The following TCFL5 variants were observed in gnomAD, a reference collection of about 807,000 sequenced individuals.
The protein encoded by TCFL5 is transcription factor like 5.
A neutral mutation model predicts 44.3 loss-of-function variants in TCFL5; 9 were observed. That is an observed-to-expected ratio of 0.20 (90% CI 0.12 to 0.35). The LOEUF (loss-of-function observed/expected upper bound fraction) is 0.35, where lower values mean the gene tolerates loss of function less well. TCFL5 is among the 10% of genes least tolerant of loss of function. TCFL5 has a pLI of 1.00. For synonymous variants in TCFL5, 319 were observed against 271.6 expected (o/e 1.17, Z -1.72); for missense variants, 603 against 613.4 (o/e 0.98, Z 0.18).
Position 62,861,054 on chromosome 20 carries a change from T to C in TCFL5, c.617A>G (p.Glu206Gly). 1.0e-6 allele frequency: 1 copy of C among 994,652 alleles called. No homozygotes were observed. Among genetic ancestry groups the C allele is most frequent in the South Asian group, 4.5e-5 (1 of 22,170 alleles). 61.6% of individuals were successfully genotyped at this position (994,652 alleles called of 1,614,324 possible). ...GAGCGCCCCGCCCGGCTCGGGGGGC[T>C]CGGGGCCGCGCGGCGCGGGCGGCGG... is the stretch of plus-strand genomic sequence containing the variant. ...AEPPPAPRGP[E>G]PPEPGGALNN... The change falls in exon 1 of 6, where the codon GAG becomes GGG. Residue 206 changes from glutamate to glycine, a missense_variant. Coordinates refer to ENST00000335351, the MANE Select transcript of TCFL5 (RefSeq NM_006602.4). The surrounding 1 kb of genome is among the most constrained non-coding windows in gnomAD (Gnocchi z 4.0).
intron 3 of TCFL5, among the ~76,000 whole-genome samples, chr20:62,858,273 A>G (rs1319141711): frequency 1.3e-5 from 2 of 152,232 alleles, no homozygotes; most frequent in African/African-American, 4.8e-5. Flanking sequence ...TCAAAGGACC[A>G]CAGGCACGTG....
In TCFL5 at chr20:62,860,296, G is replaced by C; in HGVS notation, c.660C>G (p.Leu220=). ...TCATTAGTTCAGATGGATGTCGAAT[G>C]AGAGTTACCAAACTGCCAAGACAAA... ...PGGALNNLVT[L]IRHPSELMNV... is the part of the protein sequence containing the mutation. Residue 220 remains leucine (L), a synonymous_variant, in exon 2 of 6, where the codon CTC becomes CTG. Transcript: ENST00000335351. The C allele has an allele frequency of 6.2e-7, 1 of 1,606,472 alleles. No homozygotes were observed. Among genetic ancestry groups the C allele is most frequent in the Non-Finnish European group, 8.5e-7 (1 of 1,173,560 alleles).
At chr20:62,845,531 T>C in intron 5 of TCFL5, 3 of 1,446,020 alleles carry the variant, frequency 2.1e-6, no homozygotes, top group East Asian at 2.5e-5. Context: ...CACTTGCCTA[T>C]TTGGCAAGAT....
At chr20:62,857,290 T>C (rs918796442) in intron 4 of TCFL5, 105 bp downstream of exon 4, 77 of 1,467,574 alleles carry the variant, frequency 5.2e-5, no homozygotes, top group African/African-American at 8.4e-5. Flanking sequence ...ACCTGCTTTA[T>C]TCCCTCTGAA....
chr20:62,842,526 C>T lies in TCFL5; in HGVS notation c.1381-429G>A, dbSNP rs939408157. Among the ~76,000 whole-genome samples the T allele has an allele frequency of 1.3e-5, 2 of 152,316 alleles. No individual in the cohort carries two copies. The highest frequency in any genetic ancestry group is 2.1e-4 in the South Asian group (1 of 4,824). On this transcript the variant is annotated intron_variant, in intron 5 of 5. Transcript: ENST00000335351. This position sits in a 1 kb window ranked among gnomAD's most constrained non-coding sequence, Gnocchi z 4.3. Reference sequence around the variant, plus strand: ...CCTATAATCCCAGCACTTTGGGAGGCCGAGGTGGGTGGATCACCTGACGTC... The same window carrying T: ...CCTATAATCCCAGCACTTTGGGAGGTCGAGGTGGGTGGATCACCTGACGTC...
At chr20:62,858,503 G>C (rs768862571) in intron 3 of TCFL5, among the ~76,000 whole-genome samples, 4 of 152,206 alleles carry the variant, frequency 2.6e-5, no homozygotes, top group Non-Finnish European at 5.9e-5. Flanking sequence ...GGAAAAGGAA[G>C]GACTGACATG....
intron 4 of TCFL5, among the ~76,000 whole-genome samples, chr20:62,854,495 T>G (rs2063857875): frequency 1.3e-5 from 2 of 152,178 alleles, no homozygotes; most frequent in South Asian, 4.1e-4. Context: ...GAAGCAACAT[T>G]TTGTGTCTGA....
intron 4 of TCFL5, 112 bp downstream of exon 4, chr20:62,857,283 T>G: frequency 7.0e-7 from 1 of 1,432,012 alleles, no homozygotes; most frequent in Non-Finnish European, 9.5e-7. Flanking sequence ...TGCTCCTACC[T>G]GCTTTATTCC....
At chr20:62,846,215 C>G in intron 5 of TCFL5, 2 of 789,432 alleles carry the variant, frequency 2.5e-6, no homozygotes, top group Non-Finnish European at 1.8e-6. Context: ...TCAGACATAA[C>G]TAGGCGCTCG....
chr20:62,848,034 G>A (rs946983155), intron 5 of TCFL5, among the ~76,000 whole-genome samples: 4 of 152,250 alleles, frequency 2.6e-5, no homozygotes, highest in African/African-American at 9.6e-5. Flanking sequence ...ACGAGGTCCA[G>A]GGAGTTCTCA....
chr20:62,850,876 C>T (rs1318805245), intron 5 of TCFL5, among the ~76,000 whole-genome samples: 1 of 152,160 alleles, frequency 6.6e-6, no homozygotes, highest in Non-Finnish European at 1.5e-5. Context: ...CAACATCACC[C>T]AATCCAAAGC....
intron 3 of TCFL5, among the ~76,000 whole-genome samples, chr20:62,858,584 T>A (rs1223082167): frequency 6.6e-6 from 1 of 152,238 alleles, no homozygotes; most frequent in African/African-American, 2.4e-5. Flanking sequence ...TAAGGAGTGT[T>A]CTTTTTTCGG....
intron 5 of TCFL5, among the ~76,000 whole-genome samples, chr20:62,847,493 C>A (rs145611381): frequency 7.2e-5 from 11 of 152,252 alleles, no homozygotes; most frequent in African/African-American, 2.7e-4. Flanking sequence ...GACTCCAGCA[C>A]GGCCCAGGCC....
intron 5 of TCFL5, among the ~76,000 whole-genome samples, chr20:62,847,704 A>G (rs16983293): frequency 0.057 from 8,626 of 152,338 alleles, 279 homozygotes; most frequent in East Asian, 0.15. Context: ...CCATGTTCAA[A>G]AACAGAATGA....
intron 5 of TCFL5, among the ~76,000 whole-genome samples, chr20:62,850,520 T>C (rs2063794151): frequency 6.6e-6 from 1 of 151,776 alleles, no homozygotes; most frequent in African/African-American, 2.4e-5. Flanking sequence ...GCCTTGTGCC[T>C]TTCCTCCTCC....
In TCFL5 at chr20:62,861,719, C is replaced by CGGCGGGCGGCGGGA. The variant is rs1555833221; in HGVS notation, c.-50_-49insTCCCGCCGCCCGCC. On this transcript the variant is annotated 5_prime_UTR_variant, in exon 1 of 6. Transcript: ENST00000335351. This position sits in a 1 kb window ranked among gnomAD's most constrained non-coding sequence, Gnocchi z 4.0. ...CGGCGAGGGCGACGCGGGCGGCGGG[C>CGGCGGGCGGCGGGA]GGCGGGAGGCGGGAGGCGGGAGGCG... is the stretch of plus-strand genomic sequence containing the variant. The CGGCGGGCGGCGGGA allele has an allele frequency of 1.9e-4, 26 of 135,366 alleles. No individual in the cohort carries two copies. The highest frequency in any genetic ancestry group is 2.4e-4 in the African/African-American group (8 of 33,614). 8.4% of individuals were successfully genotyped at this position (135,366 alleles called of 1,614,324 possible).
rs533324523 is a variant in TCFL5 at position 62,854,048 on chromosome 20, T to C, written c.1348A>G (p.Ile450Val). 6.2e-7 allele frequency: 1 copy of C among 1,614,074 alleles called. No individual in the cohort carries two copies. The highest frequency in any genetic ancestry group is 2.2e-5 in the East Asian group (1 of 44,882). The change falls in exon 5 of 6, where the codon ATC becomes GTC. Residue 450 changes from isoleucine (I) to valine (V), a missense_variant. This residue lies in a region of TCFL5 where 1 missense variants were observed against 19.2 expected (regional missense o/e 0.05). Coordinates refer to ENST00000335351, the MANE Select transcript of TCFL5 (RefSeq NM_006602.4). ...AGAGAATCTCCATGTCTTTCCTGGA[T>C]GTATTTCAGGAATGCTGTGGTCCAC... ...LQWTTAFLKY[I>V]QERHGDSLKK...
At chr20:62,853,783 T>C (rs955534481) in intron 5 of TCFL5, among the ~76,000 whole-genome samples, 3 of 152,220 alleles carry the variant, frequency 2.0e-5, no homozygotes, top group Non-Finnish European at 2.9e-5. Flanking sequence ...TATCTGACAA[T>C]TGCCTCTTCA....
At chr20:62,858,993 G>A (rs1449749233) in intron 3 of TCFL5, among the ~76,000 whole-genome samples, 1 of 152,196 alleles carries the variant, frequency 6.6e-6, no homozygotes, top group Non-Finnish European at 1.5e-5. Context: ...CCTATCCAAA[G>A]GCTTTCGGCA....
Sources: allele counts gnomAD v4.1 joint callset (sites outside exome capture counted in the v4.1 genomes callset), GRCh38; gene constraint gnomAD v4.1.1; regional missense constraint gnomAD v4.1.1; non-coding constraint Gnocchi (gnomAD v3.1); transcripts MANE v1.5; gene names NCBI Gene and HGNC (gene_info 2026-07-23, HGNC 2026-07-21).